Variants in MSR1 observed in about 807,000 individuals in gnomAD.
The protein encoded by MSR1 is macrophage scavenger receptor 1.
MSR1 carries 53 observed loss-of-function variants against 47.2 expected under a neutral mutation model. The observed-to-expected ratio is 1.12, with a 90% CI of 0.90 to 1.41. MSR1 has a LOEUF of 1.41. Ranked by LOEUF, MSR1 falls within the 40% of genes most tolerant of loss-of-function variation. The pLI is 0.00. For missense variants in MSR1, 786 were observed against 546.9 expected (o/e 1.44, Z -4.36); for synonymous variants, 239 against 185.6 (o/e 1.29, Z -2.34).
chr8:16,179,994 G>A (rs774207513), intron 1 of MSR1, among the ~76,000 whole-genome samples: 1 of 150,886 alleles, frequency 6.6e-6, no homozygotes, highest in African/African-American at 2.4e-5. Context: ...TCAGCTCACT[G>A]CTACCATGTT....
At position 16,110,214 on chromosome 8, in the gene MSR1, A is replaced by G; in HGVS notation, c.1227T>C (p.Thr409=). Residue 409 remains threonine, a synonymous_variant, in exon 10 of 10, where the codon ACT becomes ACC. Transcript: ENST00000262101. ...VHKAAHFGQG[T]GPIWLNEVFC... is the part of the protein sequence containing the mutation. ...ACACTTCATTCAGCCATATTGGACC[A>G]GTACCTGCAATAATGAGGTATAACT... 1.2e-6 allele frequency: 2 copies of G among 1,613,446 alleles called. No individual in the cohort carries two copies. The highest frequency in any genetic ancestry group is 4.5e-5 in the East Asian group (2 of 44,830).
chr8:16,150,195 C>A, intron 7 of MSR1, 36 bp downstream of exon 7: 2 of 801,404 alleles, frequency 2.5e-6, no homozygotes, highest in Non-Finnish European at 3.6e-6. Context: ...GTTTCTTCTA[C>A]ATATTCTATA....
chr8:16,141,799 G>A (rs1800563596), intron 8 of MSR1, among the ~76,000 whole-genome samples: 1 of 152,008 alleles, frequency 6.6e-6, no homozygotes, highest in African/African-American at 2.4e-5. Context: ...GGAAGACAGT[G>A]GGGTGCTGTT....
intron 8 of MSR1, among the ~76,000 whole-genome samples, chr8:16,130,217 T>C (rs933317994): frequency 6.6e-6 from 1 of 152,180 alleles, no homozygotes; most frequent in Non-Finnish European, 1.5e-5. Flanking sequence ...TATCCTGTTT[T>C]ATTGGTCTTC....
chr8:16,159,826 T>C (rs1460110672), intron 5 of MSR1, among the ~76,000 whole-genome samples: 1 of 151,950 alleles, frequency 6.6e-6, no homozygotes, highest in African/African-American at 2.4e-5. Context: ...TTACTATTGG[T>C]AGAACCAGCA....
At chr8:16,128,919 T>G (rs1668498977) in intron 8 of MSR1, among the ~76,000 whole-genome samples, 1 of 152,152 alleles carries the variant, frequency 6.6e-6, no homozygotes, top group Non-Finnish European at 1.5e-5. Flanking sequence ...ACTCTGTGAT[T>G]GATAAAGCAC....
At chr8:16,112,943 G>GTAT (rs1491136469) in intron 9 of MSR1, among the ~76,000 whole-genome samples, 1 of 87,816 alleles carries the variant, frequency 1.1e-5, no homozygotes, top group East Asian at 3.6e-4. Flanking sequence ...TTTTTTTTAA[G>GTAT]TTTTTTTTTT....
At chr8:16,179,371 A>G (rs9650393) in intron 1 of MSR1, among the ~76,000 whole-genome samples, 9,617 of 152,234 alleles carry the variant, frequency 0.063, 643 homozygotes, top group East Asian at 0.33. Context: ...GTTTAAATCC[A>G]TTAGAGAACA....
chr8:16,115,616 T>C (rs1363425548), intron 9 of MSR1, among the ~76,000 whole-genome samples: 1 of 152,210 alleles, frequency 6.6e-6, no homozygotes, highest in Non-Finnish European at 1.5e-5. Context: ...TTTTGCTTTA[T>C]TATTTTAAAA....
chr8:16,189,405 TTA>T lies in MSR1; in HGVS notation c.-5+3191_-5+3192del, dbSNP rs1295109206. On this transcript the variant is annotated intron_variant, in intron 1 of 9. Transcript: ENST00000262101. ...TATAAAATCTTATTTTATATATATT[TTA>T]TATATATTTTATATATATAAAATCA... is the stretch of plus-strand genomic sequence containing the variant. 6.5e-3 allele frequency among the ~76,000 whole-genome samples: 674 copies of T among 103,642 alleles called. 64 individuals are homozygous for T. Among genetic ancestry groups the T allele is most frequent in the African/African-American group, 0.034 (634 of 18,770 alleles). 68.0% of individuals were successfully genotyped at this position (103,642 alleles called of 152,430 possible).
Position 16,109,956 on chromosome 8 carries a change from G to T in MSR1, c.*129C>A. 9.1e-7 allele frequency: 1 copy of T among 1,095,984 alleles called. No homozygotes were observed. The highest frequency in any genetic ancestry group is 1.3e-6 in the Non-Finnish European group (1 of 744,112). The allele number at this position is 1,095,984 out of a possible 1,614,324, so 67.9% of individuals were successfully genotyped here. ...TGAAGGTGTTCAATATATTAATCCT[G>T]TAATCTAAAATATTATTTGGGCAAT... On this transcript the variant is annotated 3_prime_UTR_variant, in exon 10 of 10. Transcript: ENST00000262101.
intron 9 of MSR1, among the ~76,000 whole-genome samples, chr8:16,116,251 T>C (rs1271087317): frequency 6.6e-6 from 1 of 152,176 alleles, no homozygotes; most frequent in Non-Finnish European, 1.5e-5. Flanking sequence ...CAGGTCAGTA[T>C]TATTCTCATT....
intron 8 of MSR1, chr8:16,140,558 T>C: frequency 1.9e-6 from 2 of 1,031,474 alleles, no homozygotes; most frequent in Non-Finnish European, 2.3e-6. Context: ...CTCACACAAG[T>C]GTTATATTGT....
intron 7 of MSR1, among the ~76,000 whole-genome samples, chr8:16,146,820 T>C (rs1003039737): frequency 5.3e-5 from 8 of 152,150 alleles, no homozygotes; most frequent in Admixed American, 3.3e-4. Context: ...CTGAATAATA[T>C]TTATATAATC....
At chr8:16,133,459 G>A (rs1800312614) in intron 8 of MSR1, among the ~76,000 whole-genome samples, 1 of 152,240 alleles carries the variant, frequency 6.6e-6, no homozygotes, top group Non-Finnish European at 1.5e-5. Context: ...ATGAGCAAGA[G>A]CATTGTCATG....
Position 16,168,485 on chromosome 8 carries a change from G to C in MSR1, c.603C>G (p.Ile201Met), listed in dbSNP as rs868858129. Reference sequence around the variant, plus strand: ...CTTGTTGTTTGAAGGTATTCTCTTGGATTTTGCCATTCAGATTTTCTATGT... The same window carrying C: ...CTTGTTGTTTGAAGGTATTCTCTTGCATTTTGCCATTCAGATTTTCTATGT... Reference protein sequence around the residue: ...QLNIENLNGKIQENTFKQQEE... With the variant: ...QLNIENLNGKMQENTFKQQEE... The change falls in exon 4 of 10, where the codon ATC becomes ATG. Residue 201 changes from isoleucine (I) to methionine (M), a missense_variant. Physicochemically the swap from Ile to Met is conservative, Grantham distance 10. Transcript: ENST00000262101. 1.2e-6 allele frequency: 2 copies of C among 1,614,058 alleles called. No homozygotes were observed. Among genetic ancestry groups the C allele is most frequent in the East Asian group, 4.5e-5 (2 of 44,854 alleles).
At chr8:16,161,031 G>T (rs769404804) in intron 5 of MSR1, among the ~76,000 whole-genome samples, 4 of 138,036 alleles carry the variant, frequency 2.9e-5, no homozygotes, top group Non-Finnish European at 6.1e-5. Context: ...TTCTTAAATA[G>T]CATTTTTTTT....
chr8:16,181,646 T>C (rs1801835231), intron 1 of MSR1, among the ~76,000 whole-genome samples: 1 of 151,792 alleles, frequency 6.6e-6, no homozygotes, highest in Admixed American at 6.6e-5. Flanking sequence ...CTAGGGCCTG[T>C]CAGGGGGTGG....
At chr8:16,116,038 C>A (rs1799870162) in intron 9 of MSR1, among the ~76,000 whole-genome samples, 1 of 152,084 alleles carries the variant, frequency 6.6e-6, no homozygotes, top group African/African-American at 2.4e-5. Context: ...TTGAATTAGC[C>A]TTGGAATATC....
Sources: allele counts gnomAD v4.1 joint callset (sites outside exome capture counted in the v4.1 genomes callset), GRCh38; gene constraint gnomAD v4.1.1; transcripts MANE v1.5; gene names NCBI Gene and HGNC (gene_info 2026-07-23, HGNC 2026-07-21).